STK32B: variants seen among roughly 807,000 people sequenced by gnomAD.
STK32B encodes serine/threonine kinase 32B.
STK32B carries 43 observed loss-of-function variants against 52.6 expected under a neutral mutation model. That is an observed-to-expected ratio of 0.82 (90% CI 0.64 to 1.05). The LOEUF (loss-of-function observed/expected upper bound fraction) is 1.05, where lower values mean the gene tolerates loss of function less well. Ranked by LOEUF, STK32B falls within the 50% of genes least tolerant of loss-of-function variation. The probability of loss-of-function intolerance (pLI) is 0.00; values close to 1 mark genes in which losing one functional copy is unlikely to be tolerated. For synonymous variants in STK32B, 238 were observed against 204.3 expected (o/e 1.17, Z -1.41); for missense variants, 621 against 534.6 (o/e 1.16, Z -1.59).
intron 1 of STK32B, among the ~76,000 whole-genome samples, chr4:5,133,945 G>A (rs991334295): frequency 6.6e-6 from 1 of 152,182 alleles, no homozygotes; most frequent in Non-Finnish European, 1.5e-5. Flanking sequence ...GACTCAAATA[G>A]TGGGGCTGGG....
At chr4:5,199,007 C>T (rs12505824) in intron 3 of STK32B, among the ~76,000 whole-genome samples, 11,978 of 152,082 alleles carry the variant, frequency 0.079, 828 homozygotes, top group Admixed American at 0.18. Context: ...TGTCCACACC[C>T]TTCAGGTCTG....
intron 3 of STK32B, among the ~76,000 whole-genome samples, chr4:5,172,842 T>C (rs148618994): frequency 0.029 from 4,383 of 152,242 alleles, 88 homozygotes; most frequent in Admixed American, 0.046. Context: ...TTAGGGAGGA[T>C]TCTGTCTTTT....
At chr4:5,393,978 C>G (rs767549837) in intron 4 of STK32B, among the ~76,000 whole-genome samples, 1 of 152,140 alleles carries the variant, frequency 6.6e-6, no homozygotes, top group Non-Finnish European at 1.5e-5. Context: ...TTCGCTTAGT[C>G]TAGCTTTCCC....
chr4:5,445,848 G>C (rs769234745), intron 6 of STK32B, among the ~76,000 whole-genome samples: 1 of 144,118 alleles, frequency 6.9e-6, no homozygotes, highest in Non-Finnish European at 1.5e-5. Context: ...ACAGCCCCTA[G>C]CAACTTCCAA....
intron 2 of STK32B, among the ~76,000 whole-genome samples, chr4:5,142,691 CAT>C (rs1430668480): frequency 6.6e-6 from 1 of 152,160 alleles, no homozygotes; most frequent in Non-Finnish European, 1.5e-5. Context: ...AAAAATCAGA[CAT>C]AAAAAACAGT....
chr4:5,039,099 A>T, the STK32B span, among the ~76,000 whole-genome samples: 4 of 148,170 alleles, frequency 2.7e-5, no homozygotes, highest in Non-Finnish European at 5.9e-5. Flanking sequence ...TAATCTTCCC[A>T]CTTCAGCCTT....
intron 3 of STK32B, among the ~76,000 whole-genome samples, chr4:5,178,339 G>C (rs1454892091): frequency 1.3e-5 from 2 of 152,178 alleles, no homozygotes; most frequent in African/African-American, 4.8e-5. Context: ...CAGGTCACCA[G>C]CTTTCAAGAC....
At chr4:5,342,207 C>G (rs1214708744) in intron 4 of STK32B, among the ~76,000 whole-genome samples, 1 of 152,092 alleles carries the variant, frequency 6.6e-6, no homozygotes, top group East Asian at 1.9e-4. Flanking sequence ...CAGGTATTTA[C>G]CCAAAGGTTT....
chr4:5,196,942 T>G (rs1721727784), intron 3 of STK32B, among the ~76,000 whole-genome samples: 1 of 151,898 alleles, frequency 6.6e-6, no homozygotes, highest in Non-Finnish European at 1.5e-5. Context: ...ATGGCAGATA[T>G]GATGCCCCGT....
chr4:5,342,378 G>T (rs1461127693), intron 4 of STK32B, among the ~76,000 whole-genome samples: 5 of 152,104 alleles, frequency 3.3e-5, no homozygotes, highest in Admixed American at 6.6e-5. Context: ...CCATAAAAAA[G>T]GATGAGTTCA....
Position 5,274,771 on chromosome 4 carries a change from G to A in STK32B, c.261-56449G>A, listed in dbSNP as rs182883651. Among the ~76,000 whole-genome samples, 399 of 151,972 alleles carry A rather than the reference G, an allele frequency of 2.6e-3. 1 individual carries two copies. Among genetic ancestry groups the A allele is most frequent in the African/African-American group, 8.7e-3 (359 of 41,432 alleles). ...AACTGCACTCTTCTGTGTTTGTTAC[G>A]GCTCGAGCTGAGCTTTCCATCGCCG... On this transcript the variant is annotated intron_variant, in intron 3 of 11. Coordinates refer to ENST00000282908, the MANE Select transcript of STK32B (RefSeq NM_018401.3).
chr4:5,203,119 A>T (rs1237217135), intron 3 of STK32B, among the ~76,000 whole-genome samples: 2 of 152,204 alleles, frequency 1.3e-5, no homozygotes, highest in African/African-American at 4.8e-5. Context: ...CTTCTCTAAA[A>T]AGATGAAGGT....
intron 6 of STK32B, among the ~76,000 whole-genome samples, chr4:5,423,660 C>T (rs1012943700): frequency 1.3e-5 from 2 of 152,190 alleles, no homozygotes; most frequent in African/African-American, 4.8e-5. Flanking sequence ...AACGAAATCC[C>T]AGTTCACTGC....
intron 1 of STK32B, among the ~76,000 whole-genome samples, chr4:5,080,235 A>G (rs762065690): frequency 6.6e-6 from 1 of 152,004 alleles, no homozygotes; most frequent in African/African-American, 2.4e-5. Context: ...GCCCCCTGCC[A>G]CCTCTCAGAC....
At chr4:5,087,441 T>C (rs1018500920) in intron 1 of STK32B, among the ~76,000 whole-genome samples, 2 of 151,934 alleles carry the variant, frequency 1.3e-5, no homozygotes, top group African/African-American at 4.8e-5. Context: ...AAATAAATTC[T>C]TCCTTAACAG....
chr4:5,133,046 C>T (rs1439273944), intron 1 of STK32B, among the ~76,000 whole-genome samples: 1 of 152,190 alleles, frequency 6.6e-6, no homozygotes, highest in Non-Finnish European at 1.5e-5. Context: ...GATCCACCTG[C>T]CTCAGCCTCC....
intron 1 of STK32B, among the ~76,000 whole-genome samples, chr4:5,083,701 A>C (rs1469505695): frequency 6.6e-6 from 1 of 150,932 alleles, no homozygotes; most frequent in East Asian, 1.9e-4. Context: ...GATAGTATCT[A>C]TTTTGCTTCC....
intron 3 of STK32B, among the ~76,000 whole-genome samples, chr4:5,315,604 A>C (rs1010319916): frequency 6.6e-6 from 1 of 152,142 alleles, no homozygotes; most frequent in African/African-American, 2.4e-5. Context: ...ACTAATTATT[A>C]ATACCTCTGG....
chr4:5,142,803 A>C (rs556009780), intron 2 of STK32B, among the ~76,000 whole-genome samples: 10 of 152,300 alleles, frequency 6.6e-5, no homozygotes, highest in Non-Finnish European at 1.3e-4. Flanking sequence ...TGTCCCTGCG[A>C]AGGTATTTTT....
Sources: allele counts gnomAD v4.1 joint callset (sites outside exome capture counted in the v4.1 genomes callset), GRCh38; gene constraint gnomAD v4.1.1; transcripts MANE v1.5; gene names NCBI Gene and HGNC (gene_info 2026-07-23, HGNC 2026-07-21).